TYW1B: variants seen among roughly 807,000 people sequenced by gnomAD.
TYW1B encodes S-adenosyl-L-methionine-dependent tRNA 4-demethylwyosine synthase TYW1B.
In TYW1B, 73 loss-of-function variants were observed where a neutral mutation model predicts 86.9. The ratio of observed to expected loss-of-function variants is 0.84; its 90% CI spans 0.70 to 1.02. The LOEUF (loss-of-function observed/expected upper bound fraction) is 1.02. Among genes scored for constraint, TYW1B ranks in the 50% least tolerant of loss-of-function variants. TYW1B has a pLI of 0.00. For synonymous variants in TYW1B, 248 were observed against 292.8 expected, an observed-to-expected ratio of 0.85 and a Z score of 1.56; for missense variants, 637 against 827.4, an observed-to-expected ratio of 0.77 and a Z score of 2.82.
chr7:72,641,513 T>C (rs193047356), intron 11 of TYW1B, among the ~76,000 whole-genome samples: 219 of 152,280 alleles, frequency 1.4e-3, no homozygotes, highest in African/African-American at 4.7e-3. Flanking sequence ...TATTAAAATA[T>C]TTTACATTAT....
chr7:72,656,753 C>T (rs1208324586), intron 11 of TYW1B, among the ~76,000 whole-genome samples: 27 of 152,268 alleles, frequency 1.8e-4, no homozygotes, highest in African/African-American at 6.0e-4. Flanking sequence ...GGCATACACT[C>T]ATGGTGGAAG....
intron 9 of TYW1B, among the ~76,000 whole-genome samples, chr7:72,724,844 G>A (rs1231056892): frequency 6.6e-6 from 1 of 152,138 alleles, no homozygotes; most frequent in Non-Finnish European, 1.5e-5. Context: ...AATTTCTGGG[G>A]ATCATTCCTT....
chr7:72,635,699 C>T (rs1253797560), intron 11 of TYW1B, among the ~76,000 whole-genome samples: 4 of 152,218 alleles, frequency 2.6e-5, no homozygotes, highest in Non-Finnish European at 5.9e-5. Context: ...GTATACAACC[C>T]TTTATGATTC....
chr7:72,652,010 T>G (rs1813070374), intron 11 of TYW1B, among the ~76,000 whole-genome samples: 1 of 150,542 alleles, frequency 6.6e-6, no homozygotes, highest in East Asian at 2.0e-4. Flanking sequence ...CTCAACCTCC[T>G]GGGCTCAAGA....
intron 12 of TYW1B, among the ~76,000 whole-genome samples, chr7:72,627,508 A>T (rs1585859014): frequency 1.3e-5 from 2 of 148,878 alleles, no homozygotes; most frequent in East Asian, 1.9e-4. Context: ...AACATAACAT[A>T]ACATAAATAA....
At chr7:72,621,911 G>A (rs1239823240) in intron 12 of TYW1B, among the ~76,000 whole-genome samples, 2 of 152,232 alleles carry the variant, frequency 1.3e-5, no homozygotes, top group African/African-American at 4.8e-5. Context: ...CTTTGTGGGA[G>A]AGAGTGAGGC....
intron 7 of TYW1B, among the ~76,000 whole-genome samples, chr7:72,765,631 A>G (rs1180107227): frequency 6.6e-6 from 1 of 152,066 alleles, no homozygotes; most frequent in Non-Finnish European, 1.5e-5. Context: ...ACACCCATCT[A>G]ACTTTTGTAT....
chr7:72,613,290 G>A (rs1811981310), intron 13 of TYW1B, among the ~76,000 whole-genome samples: 1 of 151,902 alleles, frequency 6.6e-6, no homozygotes, highest in Admixed American at 6.6e-5. Context: ...TTTTTAAAAG[G>A]TTGTAAAATG....
chr7:72,660,991 T>C (rs868965390), intron 11 of TYW1B, among the ~76,000 whole-genome samples: 1,512 of 144,936 alleles, frequency 0.01, 31 homozygotes, highest in African/African-American at 0.036. Context: ...AAAGATTAGC[T>C]AGGCGTGGTG....
chr7:72,817,766 TG>T (rs1554479713), intron 2 of TYW1B, among the ~76,000 whole-genome samples: 1 of 152,096 alleles, frequency 6.6e-6, no homozygotes, highest in East Asian at 1.9e-4. Context: ...TAATGTTCCT[TG>T]GGTTTTTATT....
rs781863882 is a variant in TYW1B, at chr7:72,648,224, C to T, written c.1507-19227G>A. ...AGTCTCTTGATATGCCTGATCTCCG[C>T]TATCCATTACAGTAGATACTTAAAA... On this transcript the variant is annotated intron_variant, in intron 11 of 13. Coordinates refer to ENST00000620995, the MANE Select transcript of TYW1B (RefSeq NM_001145440.3). Among the ~76,000 whole-genome samples the T allele has an allele frequency of 7.9e-3, 1,194 of 152,070 alleles. 9 individuals are homozygous for T. Among genetic ancestry groups the T allele is most frequent in the Non-Finnish European group, 0.012 (836 of 67,992 alleles).
At chr7:72,811,149 T>C (rs1401579589) in intron 3 of TYW1B, among the ~76,000 whole-genome samples, 1 of 151,092 alleles carries the variant, frequency 6.6e-6, no homozygotes, top group African/African-American at 2.4e-5. Flanking sequence ...TGGGCGCCTG[T>C]AGTCCCAGCT....
intron 11 of TYW1B, among the ~76,000 whole-genome samples, chr7:72,693,762 C>T (rs1554450875): frequency 6.6e-6 from 1 of 152,032 alleles, no homozygotes; most frequent in Non-Finnish European, 1.5e-5. Context: ...CATTTCCACA[C>T]ATTCAACCAA....
chr7:72,639,819 T>C (rs368271971), intron 11 of TYW1B, among the ~76,000 whole-genome samples: 10 of 149,406 alleles, frequency 6.7e-5, no homozygotes, highest in Admixed American at 2.0e-4. Context: ...TGAGCTGAGA[T>C]TGGGCCGCTG....
chr7:72,589,158 G>GA (rs1378251778), intron 13 of TYW1B, among the ~76,000 whole-genome samples: 2 of 152,156 alleles, frequency 1.3e-5, no homozygotes, highest in East Asian at 1.9e-4. Flanking sequence ...TGGAATATGA[G>GA]AAAAAATAGT....
Position 72,593,315 on chromosome 7 carries a change from G to GA in TYW1B, c.1786-17597dup, listed in dbSNP as rs1811445123. The stretch of plus-strand genomic sequence containing the variant: ...TCTCAAAAAAAGAAAAAGAAAGAAA[G>GA]AAAATAAAGCACTTGAAGGGCACAA... On this transcript the variant is annotated intron_variant, in intron 13 of 13. Transcript: ENST00000620995. Among the ~76,000 whole-genome samples the GA allele has an allele frequency of 2.1e-5, 3 of 141,018 alleles. No homozygotes were observed. In the East Asian group the frequency reaches 6.7e-4, roughly 31 times the overall value. The allele number at this position is 141,018 out of a possible 152,430, so 92.5% of individuals were successfully genotyped here. A position where few individuals can be genotyped will look rare whatever the true frequency, so the allele number is the denominator to read the frequency against.
At chr7:72,659,290 T>G (rs1252600146) in intron 11 of TYW1B, among the ~76,000 whole-genome samples, 3 of 152,060 alleles carry the variant, frequency 2.0e-5, no homozygotes, top group East Asian at 1.9e-4. Flanking sequence ...AAAAAACTGA[T>G]GAATATGGCA....
At chr7:72,737,785 TTC>T (rs1484305453) in intron 8 of TYW1B, among the ~76,000 whole-genome samples, 1,904 of 74,294 alleles carry the variant, frequency 0.026, 38 homozygotes, top group African/African-American at 0.075. Context: ...CACATTTTAC[TTC>T]TTTTTTTTTT....
chr7:72,765,666 A>G lies in TYW1B; in HGVS notation c.964+11750T>C, dbSNP rs1487403337. On this transcript the variant is annotated intron_variant, in intron 7 of 13. Coordinates refer to ENST00000620995, the MANE Select transcript of TYW1B (RefSeq NM_001145440.3). ...TTTTTAGTAGAGATGGGGTTTCACA[A>G]TGTTGGCCAGGCTAGTCTTGAACTC... 2.6e-5 allele frequency among the ~76,000 whole-genome samples: 4 copies of G among 152,146 alleles called. No individual in the cohort carries two copies. In the South Asian group the frequency reaches 8.3e-4, roughly 32 times the overall value.
Sources: allele counts gnomAD v4.1 joint callset (sites outside exome capture counted in the v4.1 genomes callset), GRCh38; gene constraint gnomAD v4.1.1; transcripts MANE v1.5; gene names NCBI Gene and HGNC (gene_info 2026-07-23, HGNC 2026-07-21).